The following MAP3K20 variants were observed in gnomAD, a reference collection of about 807,000 sequenced individuals.
The protein encoded by MAP3K20 is mitogen-activated protein kinase kinase kinase 20, also known as HCCS-4.
In MAP3K20, 40 loss-of-function variants were observed where a neutral mutation model predicts 85.7. The observed-to-expected ratio is 0.47, with a 90% confidence interval of 0.36 to 0.61. MAP3K20 has a LOEUF of 0.61. Ranked by LOEUF, MAP3K20 falls within the 20% of genes least tolerant of loss-of-function variation. MAP3K20 has a pLI of 0.00. For missense variants in MAP3K20, 817 were observed against 961.7 expected (o/e 0.85, Z 1.99); for synonymous variants, 325 against 327.7 (o/e 0.99, Z 0.09).
At chr2:173,099,924 T>G (rs778530862) in intron 2 of MAP3K20, among the ~76,000 whole-genome samples, 6 of 152,032 alleles carry the variant, frequency 3.9e-5, no homozygotes, top group Non-Finnish European at 7.4e-5. Flanking sequence ...TGTAGAAGAG[T>G]GCTTGACTCA....
chr2:173,163,628 A>G (rs11694244), intron 2 of MAP3K20, among the ~76,000 whole-genome samples: 4 of 152,146 alleles, frequency 2.6e-5, no homozygotes, highest in African/African-American at 4.8e-5. Context: ...GTATGTATGT[A>G]CCACATTTTC....
chr2:173,216,508 G>T (rs1684075458), intron 10 of MAP3K20, among the ~76,000 whole-genome samples: 1 of 139,678 alleles, frequency 7.2e-6, no homozygotes, highest in Non-Finnish European at 1.6e-5. Context: ...GGGTTCTGGT[G>T]TGTTTTTTTT....
At chr2:173,240,213 C>G (rs1388692730) in intron 16 of MAP3K20, among the ~76,000 whole-genome samples, 1 of 152,154 alleles carries the variant, frequency 6.6e-6, no homozygotes, top group African/African-American at 2.4e-5. Context: ...TAGCAAATAG[C>G]AGAATAAAGA....
intron 11 of MAP3K20, among the ~76,000 whole-genome samples, chr2:173,219,173 G>C (rs1684162005): frequency 6.6e-6 from 1 of 152,128 alleles, no homozygotes; most frequent in Admixed American, 6.5e-5. Flanking sequence ...AGATTTCTTA[G>C]AGAAAGATGA....
At chr2:173,130,290 A>G (rs1022235458) in intron 2 of MAP3K20, among the ~76,000 whole-genome samples, 8 of 152,242 alleles carry the variant, frequency 5.3e-5, no homozygotes, top group Admixed American at 5.2e-4. Context: ...GTCTAGACCC[A>G]TATTTACTGA....
chr2:173,235,973 A>C (rs1239154944), intron 14 of MAP3K20, among the ~76,000 whole-genome samples: 1 of 151,984 alleles, frequency 6.6e-6, no homozygotes, highest in Non-Finnish European at 1.5e-5. Context: ...CGGTGGTCGA[A>C]AGGGTCTAAG....
chr2:173,241,688 T>C (rs941719482), intron 16 of MAP3K20, among the ~76,000 whole-genome samples: 3 of 152,220 alleles, frequency 2.0e-5, no homozygotes, highest in Non-Finnish European at 4.4e-5. Flanking sequence ...TAAATTTTTT[T>C]TTAAAGATGC....
intron 3 of MAP3K20, among the ~76,000 whole-genome samples, chr2:173,172,809 T>TC (rs1242482060): frequency 2.0e-5 from 3 of 151,932 alleles, no homozygotes; most frequent in Non-Finnish European, 4.4e-5. Flanking sequence ...TCTTTTCTTT[T>TC]TTTTTTTTGA....
At chr2:173,087,692 A>G (rs1428159032) in intron 1 of MAP3K20, among the ~76,000 whole-genome samples, 1 of 152,196 alleles carries the variant, frequency 6.6e-6, no homozygotes, top group African/African-American at 2.4e-5. Context: ...CACATTAGAA[A>G]CTAGGAGAAA....
intron 2 of MAP3K20, among the ~76,000 whole-genome samples, chr2:173,144,732 C>A (rs1433802641): frequency 6.6e-6 from 1 of 151,828 alleles, no homozygotes; most frequent in African/African-American, 2.4e-5. Context: ...GAGAGACATG[C>A]GTTTTCCATA....
At chr2:173,134,414 A>ATTTTTTTTTTTT (rs1290040694) in intron 2 of MAP3K20, among the ~76,000 whole-genome samples, 1 of 6,132 alleles carries the variant, frequency 1.6e-4, no homozygotes, top group Non-Finnish European at 3.7e-4. Context: ...ATATATATAT[A>ATTTTTTTTTTTT]TATATATATA....
chr2:173,258,165 T>C (rs1685202015), intron 16 of MAP3K20, among the ~76,000 whole-genome samples: 1 of 152,214 alleles, frequency 6.6e-6, no homozygotes, highest in South Asian at 2.1e-4. Context: ...TTGTCCGTTA[T>C]CATACATCAT....
intron 11 of MAP3K20, chr2:173,225,056 A>G: frequency 1.0e-6 from 1 of 985,210 alleles, no homozygotes; most frequent in Non-Finnish European, 1.2e-6. Flanking sequence ...ATTATCAGAG[A>G]CATGCAACTG....
chr2:173,260,407 T>C (rs1685261400), intron 17 of MAP3K20, among the ~76,000 whole-genome samples: 2 of 152,146 alleles, frequency 1.3e-5, no homozygotes, highest in Non-Finnish European at 2.9e-5. Flanking sequence ...TCACATTTTC[T>C]TTGAACCCAG....
chr2:173,130,663 CAG>C (rs1688591018), intron 2 of MAP3K20, among the ~76,000 whole-genome samples: 1 of 152,172 alleles, frequency 6.6e-6, no homozygotes. Flanking sequence ...TGCTGGTTAA[CAG>C]AGAACCAACA....
intron 4 of MAP3K20, among the ~76,000 whole-genome samples, chr2:173,186,422 G>T (rs945748752): frequency 3.9e-5 from 6 of 152,226 alleles, no homozygotes; most frequent in Non-Finnish European, 7.4e-5. Context: ...TCTTATTTAA[G>T]ATCACATAAT....
intron 2 of MAP3K20, among the ~76,000 whole-genome samples, chr2:173,124,400 G>A (rs535072288): frequency 2.0e-5 from 3 of 152,284 alleles, no homozygotes; most frequent in African/African-American, 7.2e-5. Context: ...CAGATTGGAA[G>A]AGGGCCTGCT....
chr2:173,197,702 T>C (rs928872932), intron 7 of MAP3K20: 1 of 156,298 alleles, frequency 6.4e-6, no homozygotes, highest in Non-Finnish European at 1.4e-5. Flanking sequence ...TAACAAAATA[T>C]ACAATCTAAT....
intron 5 of MAP3K20, among the ~76,000 whole-genome samples, chr2:173,187,949 AAG>A (rs576661878): frequency 3.5e-4 from 54 of 152,226 alleles, no homozygotes; most frequent in Non-Finnish European, 6.3e-4. Context: ...CATTTTCTAA[AAG>A]AGATACTGCT....
Sources: gnomAD v4.1 joint callset for allele counts (sites outside exome capture counted in the v4.1 genomes callset) on GRCh38, gnomAD v4.1.1 for gene constraint, MANE v1.5 for transcripts, NCBI Gene and HGNC (gene_info 2026-07-23, HGNC 2026-07-21) for gene names.